RFX8: variants seen among roughly 807,000 people sequenced by gnomAD.
The protein encoded by RFX8 is DNA-binding protein RFX8.
RFX8 carries 46 observed loss-of-function variants against 54.6 expected under a neutral mutation model. The observed-to-expected ratio is 0.84, with a 90% CI of 0.67 to 1.08. The LOEUF (loss-of-function observed/expected upper bound fraction) is 1.08. Among genes scored for constraint, RFX8 ranks in the 50% least tolerant of loss-of-function variants. The pLI, the probability that RFX8 is intolerant of heterozygous loss-of-function variation, is 0.00. For missense variants in RFX8, 536 were observed against 562.3 expected (o/e 0.95, Z 0.47); for synonymous variants, 192 against 209.5 (o/e 0.92, Z 0.72).
intron 5 of RFX8, among the ~76,000 whole-genome samples, chr2:101,418,136 C>G (rs1360643506): frequency 6.6e-6 from 1 of 152,004 alleles, no homozygotes; most frequent in South Asian, 2.1e-4. Context: ...GTGATCCACC[C>G]GCCTCAGCCT....
chr2:101,456,635 C>T (rs1208065128), intron 2 of RFX8, among the ~76,000 whole-genome samples: 1 of 152,028 alleles, frequency 6.6e-6, no homozygotes, highest in Non-Finnish European at 1.5e-5. Context: ...TGAGGATTTT[C>T]GTATCGATGT....
chr2:101,413,211 T>C, intron 7 of RFX8, 140 bp from the exon 8 acceptor site: 1 of 695,090 alleles, frequency 1.4e-6, no homozygotes, highest in South Asian at 1.7e-5. Context: ...AAATGAATCT[T>C]AAACAAGAAT....
intron 2 of RFX8, among the ~76,000 whole-genome samples, chr2:101,453,541 C>T (rs890189285): frequency 7.2e-5 from 11 of 152,020 alleles, no homozygotes; most frequent in African/African-American, 1.9e-4. Flanking sequence ...GAGAGTGCAT[C>T]GCACTCTAGC....
chr2:101,418,227 T>G (rs560963103), intron 5 of RFX8, among the ~76,000 whole-genome samples: 13 of 152,248 alleles, frequency 8.5e-5, no homozygotes, highest in Middle Eastern at 3.4e-3. Context: ...GATTCAAGTA[T>G]TTTTTTAAAA....
In RFX8 at chr2:101,414,840, T is replaced by C; in HGVS notation, c.561+14A>G. The stretch of plus-strand genomic sequence containing the variant: ...ACTGCTTTGTTCCCTCCTATCTGCT[T>C]GGCTGAAGCCTACCTTAGCCATGTT... On this transcript the variant is annotated intron_variant, in intron 7 of 11. Transcript: ENST00000428343. 1 of 1,544,728 alleles carries C rather than the reference T, an allele frequency of 6.5e-7. No homozygotes were observed. Among genetic ancestry groups the C allele is most frequent in the Non-Finnish European group, 8.8e-7 (1 of 1,141,182 alleles).
intron 9 of RFX8, among the ~76,000 whole-genome samples, chr2:101,407,188 C>A (rs1685788892): frequency 6.6e-6 from 1 of 152,198 alleles, no homozygotes; most frequent in South Asian, 2.1e-4. Context: ...CAAAGAATGC[C>A]CTTTCTTGTC....
At chr2:101,461,898 C>T (rs756588816) in intron 2 of RFX8, among the ~76,000 whole-genome samples, 1 of 152,106 alleles carries the variant, frequency 6.6e-6, no homozygotes, top group East Asian at 1.9e-4. Context: ...AGAAACAGCT[C>T]ATTCTAATTT....
At chr2:101,421,580 A>T in intron 4 of RFX8, 144 bp downstream of exon 4, 2 of 1,416,160 alleles carry the variant, frequency 1.4e-6, no homozygotes, top group South Asian at 3.4e-5. Context: ...ACATAGGTAC[A>T]TAGCATGTAA....
At chr2:101,441,104 C>A (rs1245809345) in intron 2 of RFX8, among the ~76,000 whole-genome samples, 3 of 152,056 alleles carry the variant, frequency 2.0e-5, no homozygotes, top group Admixed American at 1.3e-4. Flanking sequence ...GTAGCCGGGA[C>A]TACAGGCGCC....
chr2:101,452,525 A>G, intron 2 of RFX8: 1 of 551,762 alleles, frequency 1.8e-6, no homozygotes, highest in Non-Finnish European at 2.8e-6. Context: ...TACAATATTT[A>G]AATGATATTC....
At chr2:101,417,235 T>C (rs1686578505) in intron 6 of RFX8, among the ~76,000 whole-genome samples, 1 of 152,222 alleles carries the variant, frequency 6.6e-6, no homozygotes, top group Non-Finnish European at 1.5e-5. Flanking sequence ...AACAGGGTCT[T>C]GCTCCATCAC....
rs541473447 is a variant in RFX8, at chr2:101,404,444, T to G, written c.928+1499A>C. ...AACTACAGACTAGATTTCTTTTCTT[T>G]TTTTGAGACAGAGTCTGGCTCTGTT... On this transcript the variant is annotated intron_variant, in intron 10 of 11. Transcript: ENST00000428343. 7.7e-4 allele frequency among the ~76,000 whole-genome samples: 118 copies of G among 152,312 alleles called. 1 individual carries two copies. Among genetic ancestry groups the G allele is most frequent in the African/African-American group, 2.7e-3 (113 of 41,568 alleles).
intron 2 of RFX8, among the ~76,000 whole-genome samples, chr2:101,458,865 A>G (rs7592741): frequency 0.35 from 52,520 of 152,032 alleles, 9,750 homozygotes; most frequent in African/African-American, 0.44. Flanking sequence ...CACAGATTTT[A>G]TCTTTTCACA....
intron 1 of RFX8, among the ~76,000 whole-genome samples, chr2:101,468,331 T>G (rs1689696516): frequency 6.6e-6 from 1 of 152,214 alleles, no homozygotes; most frequent in Non-Finnish European, 1.5e-5. Flanking sequence ...TCTCCTTGTT[T>G]CTGGTGATTG....
intron 2 of RFX8, among the ~76,000 whole-genome samples, chr2:101,449,751 C>T (rs1688578457): frequency 1.3e-5 from 2 of 151,660 alleles, no homozygotes; most frequent in Non-Finnish European, 2.9e-5. Context: ...CTGCAGGAGG[C>T]CATAGGTGAA....
Position 101,413,000 on chromosome 2 carries a change from A to G in RFX8, c.633T>C (p.Asn211=). The G allele has an allele frequency of 6.4e-7, 1 of 1,552,034 alleles. No homozygotes were observed. Among genetic ancestry groups the G allele is most frequent in the East Asian group, 2.4e-5 (1 of 40,914 alleles). ...TCTTAGAAGTAGCCAAAGTGCCTTG[A>G]TTGATGATGGCCTGTAGATCTGACT... The part of the protein sequence containing the change: ...VLKSDLQAII[N]QGTLATSKKA... Residue 211 remains asparagine (N), a synonymous_variant, in exon 8 of 12, where the codon AAT becomes AAC. Transcript: ENST00000428343.
chr2:101,404,766 T>C (rs1685635370), intron 10 of RFX8, among the ~76,000 whole-genome samples: 1 of 152,166 alleles, frequency 6.6e-6, no homozygotes, highest in Admixed American at 6.5e-5. Flanking sequence ...TGAACTCTGC[T>C]GTCTCTCTGC....
At chr2:101,449,110 G>T (rs142193272) in intron 2 of RFX8, among the ~76,000 whole-genome samples, 20 of 152,300 alleles carry the variant, frequency 1.3e-4, no homozygotes, top group African/African-American at 4.8e-4. Context: ...TGGGAGCAAA[G>T]GTGGACTGCA....
intron 2 of RFX8, chr2:101,452,369 A>T: frequency 7.1e-7 from 1 of 1,405,394 alleles, no homozygotes. Context: ...AAATAAAACA[A>T]AAATTCTAAA....
Sources: allele counts gnomAD v4.1 joint callset (sites outside exome capture counted in the v4.1 genomes callset), GRCh38; gene constraint gnomAD v4.1.1; transcripts MANE v1.5; gene names NCBI Gene and HGNC (gene_info 2026-07-23, HGNC 2026-07-21).